TMEM26: variants seen among roughly 807,000 people sequenced by gnomAD.
The protein encoded by TMEM26 is transmembrane protein 26.
TMEM26 carries 38 observed loss-of-function variants against 28.8 expected under a neutral mutation model. The observed-to-expected ratio is 1.32, with a 90% CI of 1.02 to 1.73. The LOEUF (loss-of-function observed/expected upper bound fraction) is 1.73, where lower values mean the gene tolerates loss of function less well. Among genes scored for constraint, TMEM26 ranks in the 40% most tolerant of loss-of-function variants. The pLI is 0.00. For missense variants in TMEM26, 518 were observed against 447.1 expected, an observed-to-expected ratio of 1.16 and a Z score of -1.43; for synonymous variants, 227 against 182.9, an observed-to-expected ratio of 1.24 and a Z score of -1.95.
chr10:61,430,753 T>C (rs1404217138), intron 3 of TMEM26, among the ~76,000 whole-genome samples: 2 of 152,046 alleles, frequency 1.3e-5, no homozygotes, highest in African/African-American at 4.8e-5. Flanking sequence ...TTTATCAGTG[T>C]TAACAAACGC....
At chr10:61,412,875 A>C (rs1410845282) in intron 5 of TMEM26, 4 of 1,211,330 alleles carry the variant, frequency 3.3e-6, no homozygotes, top group Non-Finnish European at 4.4e-6. Flanking sequence ...TGGGAAACAG[A>C]TTACTTCTTG....
At chr10:61,415,018 C>A (rs1337356754) in intron 4 of TMEM26, 2 of 985,234 alleles carry the variant, frequency 2.0e-6, no homozygotes, top group East Asian at 1.1e-4. Context: ...GCTTTTGATT[C>A]TTTTCTACTT....
intron 1 of TMEM26, among the ~76,000 whole-genome samples, chr10:61,437,115 C>G (rs1840020649): frequency 3.9e-5 from 6 of 152,180 alleles, no homozygotes; most frequent in Admixed American, 3.9e-4. Flanking sequence ...GGTGAGGACT[C>G]CCTTCCTGAC....
At chr10:61,426,854 T>C (rs945216146) in intron 4 of TMEM26, among the ~76,000 whole-genome samples, 5 of 152,056 alleles carry the variant, frequency 3.3e-5, no homozygotes, top group Non-Finnish European at 5.9e-5. Context: ...AAAAAATAGA[T>C]ATTTGCAGTG....
At chr10:61,413,658 T>G (rs1460308565) in intron 4 of TMEM26, 123 bp from the exon 5 acceptor site, 1 of 1,332,622 alleles carries the variant, frequency 7.5e-7, no homozygotes, top group East Asian at 2.8e-5. Flanking sequence ...ATCTTGGTGA[T>G]TTAATAAATC....
chr10:61,431,843 A>G (rs1186187856), intron 2 of TMEM26, among the ~76,000 whole-genome samples: 2 of 151,986 alleles, frequency 1.3e-5, no homozygotes, highest in African/African-American at 4.8e-5. Flanking sequence ...TAGTGAGCAT[A>G]GTACCTGATA....
At chr10:61,420,903 C>T (rs1436666618) in intron 4 of TMEM26, among the ~76,000 whole-genome samples, 1 of 151,860 alleles carries the variant, frequency 6.6e-6, no homozygotes, top group Non-Finnish European at 1.5e-5. Flanking sequence ...AATATACAGT[C>T]ATATAGATAT....
intron 4 of TMEM26, among the ~76,000 whole-genome samples, chr10:61,428,106 G>T (rs1464277828): frequency 6.6e-6 from 1 of 152,096 alleles, no homozygotes; most frequent in East Asian, 1.9e-4. Context: ...ATTTCGTTGA[G>T]CTTTATGTTT....
chr10:61,415,087 A>T (rs908428648), intron 4 of TMEM26: 1 of 985,192 alleles, frequency 1.0e-6, no homozygotes, highest in Non-Finnish European at 1.2e-6. Flanking sequence ...CACATATGGC[A>T]TAGAACGTGG....
chr10:61,442,163 A>G (rs1348827609), intron 1 of TMEM26, among the ~76,000 whole-genome samples: 1 of 152,176 alleles, frequency 6.6e-6, no homozygotes, highest in Non-Finnish European at 1.5e-5. Flanking sequence ...AAAGTAAAAT[A>G]TTGTTTACCA....
chr10:61,439,116 A>C (rs1440038570), intron 1 of TMEM26, among the ~76,000 whole-genome samples: 6 of 152,316 alleles, frequency 3.9e-5, no homozygotes, highest in African/African-American at 1.4e-4. Flanking sequence ...TCCCAAAATT[A>C]TGAAAGCTTA....
Position 61,408,399 on chromosome 10 carries a change from C to T in TMEM26, c.*1923G>A, listed in dbSNP as rs1023500964. The T allele has an allele frequency of 3.3e-5, 5 of 152,122 alleles. No individual in the cohort carries two copies. Among genetic ancestry groups the T allele is most frequent in the South Asian group, 2.1e-4 (1 of 4,820 alleles). 9.4% of individuals were successfully genotyped at this position (152,122 alleles called of 1,614,324 possible). A position where few individuals can be genotyped will look rare whatever the true frequency, so the allele number is the denominator to read the frequency against. On this transcript the variant is annotated 3_prime_UTR_variant, in exon 6 of 6. Coordinates refer to ENST00000399298, the MANE Select transcript of TMEM26 (RefSeq NM_178505.8). The stretch of plus-strand genomic sequence containing the variant: ...CATTTAAAAATATCCTTGCAACAGC[C>T]GTACTACTTTATACTTTATCTATTT...
intron 4 of TMEM26, among the ~76,000 whole-genome samples, chr10:61,420,412 T>G (rs1839725758): frequency 6.6e-6 from 1 of 152,014 alleles, no homozygotes; most frequent in Admixed American, 6.6e-5. Context: ...CAATGTAAGT[T>G]TTATTTTTTA....
chr10:61,410,379 C>T lies in TMEM26; in HGVS notation c.1050G>A (p.Leu350=). The change falls in exon 6 of 6, where the codon CTG becomes CTA. Residue 350 remains leucine, a synonymous_variant. Coordinates refer to ENST00000399298, the MANE Select transcript of TMEM26 (RefSeq NM_178505.8). ...CTGGGGAGCCCCGCAAAGGAATAGC[C>T]AGGCCCTCCTTAGACTCGTTCTGCC... ...RDWQNESKEG[L]AIPLRGSPVT... 6.2e-7 allele frequency: 1 copy of T among 1,613,996 alleles called. No individual in the cohort carries two copies.
intron 4 of TMEM26, among the ~76,000 whole-genome samples, chr10:61,417,351 G>A (rs536887764): frequency 1.3e-5 from 2 of 151,950 alleles, no homozygotes; most frequent in South Asian, 4.2e-4. Flanking sequence ...CACTCAATAT[G>A]GTGGTTAAAA....
At chr10:61,440,514 CAAAA>C (rs60111640) in intron 1 of TMEM26, among the ~76,000 whole-genome samples, 1 of 99,054 alleles carries the variant, frequency 1.0e-5, no homozygotes, top group Admixed American at 1.1e-4. Flanking sequence ...TTCCAGTTCT[CAAAA>C]AAAAAAAAAA....
chr10:61,445,777 G>C (rs1255200699), intron 1 of TMEM26, among the ~76,000 whole-genome samples: 2 of 151,986 alleles, frequency 1.3e-5, no homozygotes, highest in African/African-American at 4.8e-5. Context: ...GAACTTCCAG[G>C]GTAGTGGGGA....
chr10:61,413,449 G>A lies in TMEM26; in HGVS notation c.682+10C>T. 6.2e-7 allele frequency: 1 copy of A among 1,610,126 alleles called. No homozygotes were observed. The highest frequency in any genetic ancestry group is 8.5e-7 in the Non-Finnish European group (1 of 1,178,496). On this transcript the variant is annotated intron_variant, in intron 5 of 5. Transcript: ENST00000399298. ...TTTCTATTTCTTTGCACAAACATCAGGATACTTACCTGCCAGGTCAAGTGG... is the reference window on the plus strand; with the variant it reads ...TTTCTATTTCTTTGCACAAACATCAAGATACTTACCTGCCAGGTCAAGTGG...
chr10:61,411,075 TG>T (rs1360428500), intron 5 of TMEM26, among the ~76,000 whole-genome samples: 1 of 152,036 alleles, frequency 6.6e-6, no homozygotes, highest in East Asian at 1.9e-4. Flanking sequence ...GGCTGCACCA[TG>T]GGGGGAATAA....
Sources: gnomAD v4.1 joint callset for allele counts (sites outside exome capture counted in the v4.1 genomes callset) on GRCh38, gnomAD v4.1.1 for gene constraint, MANE v1.5 for transcripts, NCBI Gene and HGNC (gene_info 2026-07-23, HGNC 2026-07-21) for gene names.